RNF130: variants seen among roughly 807,000 people sequenced by gnomAD.
RNF130 encodes the protein E3 ubiquitin-protein ligase RNF130.
In RNF130, 21 loss-of-function variants were observed where a neutral mutation model predicts 44.6. The ratio of observed to expected loss-of-function variants is 0.47; its 90% CI spans 0.33 to 0.68. The LOEUF is 0.68. RNF130 is among the 30% of genes least tolerant of loss of function. The pLI is 0.02. For synonymous variants in RNF130, 214 were observed against 210.4 expected (o/e 1.02, Z -0.15); for missense variants, 479 against 560.6 (o/e 0.85, Z 1.47).
chr5:180,023,924 G>A (rs1342204159), intron 2 of RNF130, among the ~76,000 whole-genome samples: 1 of 152,208 alleles, frequency 6.6e-6, no homozygotes, highest in Non-Finnish European at 1.5e-5. Context: ...CACTACCTCA[G>A]CCAGGTGACC....
At chr5:179,919,074 C>T (rs1359221926) in exon 8 of RNF130, 1 of 152,218 alleles carries the variant, frequency 6.6e-6, no homozygotes, top group Non-Finnish European at 1.5e-5. Flanking sequence ...GCGCCTCACG[C>T]CCCCACAAAG....
At chr5:179,993,441 T>C (rs910360838) in intron 3 of RNF130, among the ~76,000 whole-genome samples, 1 of 152,202 alleles carries the variant, frequency 6.6e-6, no homozygotes, top group African/African-American at 2.4e-5. Context: ...TGGTATCTCA[T>C]TGTGGTTTTG....
intron 1 of RNF130, among the ~76,000 whole-genome samples, chr5:180,043,552 C>T (rs895606769): frequency 2.6e-5 from 4 of 152,020 alleles, no homozygotes; most frequent in Non-Finnish European, 2.9e-5. Flanking sequence ...TTACCTCTTT[C>T]GACAGTGTCA....
chr5:179,937,958 G>GAGAC (rs1761918662), intron 7 of RNF130, among the ~76,000 whole-genome samples: 1 of 151,114 alleles, frequency 6.6e-6, no homozygotes, highest in Admixed American at 6.6e-5. Flanking sequence ...GAGAGAGAGA[G>GAGAC]AGAGAGAGAG....
intron 8 of RNF130, among the ~76,000 whole-genome samples, chr5:179,960,788 T>C (rs1255877870): frequency 6.6e-6 from 1 of 151,480 alleles, no homozygotes; most frequent in Non-Finnish European, 1.5e-5. Flanking sequence ...TATTTATATA[T>C]GACTATCTTA....
Position 180,040,547 on chromosome 5 carries a change from T to C in RNF130, c.348A>G (p.Lys116=), listed in dbSNP as rs758656308. ...ALLQRGNCTF[K]EKISRAAFHN... The stretch of plus-strand genomic sequence containing the variant: ...GGAAAGCGGCCCGTGATATTTTCTC[T>C]TTAAACGTGCAGTTTCCCCTCTGCA... Residue 116 remains lysine (K), a synonymous_variant, in exon 2 of 9, where the codon AAA becomes AAG. Coordinates refer to ENST00000521389, the MANE Select transcript of RNF130 (RefSeq NM_018434.6). The C allele has an allele frequency of 6.2e-7, 1 of 1,614,252 alleles. No homozygotes were observed. The highest frequency in any genetic ancestry group is 1.7e-5 in the Admixed American group (1 of 60,028).
chr5:180,020,733 G>T (rs116180867), intron 2 of RNF130, among the ~76,000 whole-genome samples: 1 of 152,084 alleles, frequency 6.6e-6, no homozygotes, highest in Non-Finnish European at 1.5e-5. Context: ...AAAGAAAAGG[G>T]GGCAGGAGCA....
At chr5:179,997,424 A>C (rs1650806) in intron 3 of RNF130, among the ~76,000 whole-genome samples, 151,900 of 152,164 alleles carry the variant, frequency 1, 75,823 homozygotes, top group Middle Eastern at 1. Context: ...CCCAGGTTCA[A>C]GCCATTCTCC....
At chr5:179,943,909 T>A (rs1322742163) in intron 7 of RNF130, among the ~76,000 whole-genome samples, 8 of 152,148 alleles carry the variant, frequency 5.3e-5, no homozygotes, top group Non-Finnish European at 7.3e-5. Flanking sequence ...TAATTAAAAT[T>A]AAAAACTTCT....
intron 7 of RNF130, among the ~76,000 whole-genome samples, chr5:179,932,767 C>T (rs1031750576): frequency 6.6e-6 from 1 of 151,774 alleles, no homozygotes; most frequent in Admixed American, 6.6e-5. Flanking sequence ...ACCTGGGAGG[C>T]GGGGATTGCA....
At chr5:180,010,924 T>C (rs978246701) in intron 3 of RNF130, among the ~76,000 whole-genome samples, 2 of 152,162 alleles carry the variant, frequency 1.3e-5, no homozygotes, top group African/African-American at 4.8e-5. Context: ...TGGGGAGATT[T>C]CAGTGTATTT....
At chr5:179,999,732 G>GA (rs1357488588) in intron 3 of RNF130, among the ~76,000 whole-genome samples, 1 of 151,826 alleles carries the variant, frequency 6.6e-6, no homozygotes, top group African/African-American at 2.4e-5. Context: ...AAGGAAAAAA[G>GA]AAAAAAAAGA....
chr5:180,001,045 G>A (rs1405966153), intron 3 of RNF130, among the ~76,000 whole-genome samples: 1 of 152,156 alleles, frequency 6.6e-6, no homozygotes, highest in Non-Finnish European at 1.5e-5. Flanking sequence ...TTCGCCTACA[G>A]TTTAATCTTA....
intron 3 of RNF130, among the ~76,000 whole-genome samples, chr5:179,993,159 A>G (rs911313914): frequency 1.3e-4 from 20 of 152,210 alleles, no homozygotes; most frequent in African/African-American, 4.8e-4. Context: ...AGTCTTTGCT[A>G]CTGTGAATAG....
At chr5:179,928,631 GT>G (rs11346161) in intron 7 of RNF130, among the ~76,000 whole-genome samples, 64,294 of 133,588 alleles carry the variant, frequency 0.48, 14,854 homozygotes, top group East Asian at 0.7. Context: ...AATTGTTGTT[GT>G]TTTTTTTTTT....
intron 7 of RNF130, among the ~76,000 whole-genome samples, chr5:179,940,586 T>C (rs1761957851): frequency 6.6e-6 from 1 of 152,190 alleles, no homozygotes; most frequent in South Asian, 2.1e-4. Flanking sequence ...GAATTTCATC[T>C]CAATTTTAAA....
At chr5:179,927,963 C>T (rs924479014) in intron 7 of RNF130, among the ~76,000 whole-genome samples, 1 of 152,134 alleles carries the variant, frequency 6.6e-6, no homozygotes, top group Non-Finnish European at 1.5e-5. Context: ...CTCTGTCTGA[C>T]ACACAAATGT....
At chr5:179,934,161 CTT>C (rs1368591354) in intron 7 of RNF130, 1 of 186,000 alleles carries the variant, frequency 5.4e-6, no homozygotes, top group African/African-American at 2.4e-5. Context: ...TGTGGATGCT[CTT>C]GAGAGCAGCA....
At chr5:179,998,892 A>ATATATATATATATC (rs1267233811) in intron 3 of RNF130, among the ~76,000 whole-genome samples, 1 of 101,058 alleles carries the variant, frequency 9.9e-6, no homozygotes, top group Non-Finnish European at 2.1e-5. Flanking sequence ...TATGTTTTAT[A>ATATATATATATATC]TATCTGAGTG....
Sources: allele counts gnomAD v4.1 joint callset (sites outside exome capture counted in the v4.1 genomes callset), GRCh38; gene constraint gnomAD v4.1.1; transcripts MANE v1.5; gene names NCBI Gene and HGNC (gene_info 2026-07-23, HGNC 2026-07-21).